Variants in TMEM132C observed in about 807,000 individuals in gnomAD.
The protein encoded by TMEM132C is transmembrane protein 132C.
TMEM132C carries 29 observed loss-of-function variants against 61.4 expected under a neutral mutation model. The observed-to-expected ratio is 0.47, with a 90% CI of 0.35 to 0.64. The LOEUF is 0.64. Ranked by LOEUF, TMEM132C falls within the 30% of genes least tolerant of loss-of-function variation. The probability of loss-of-function intolerance (pLI) is 0.00; values close to 1 mark genes in which losing one functional copy is unlikely to be tolerated. For missense variants in TMEM132C, 1,408 were observed against 1,476.9 expected (o/e 0.95, Z 0.76); for synonymous variants, 656 against 633.1 (o/e 1.04, Z -0.54).
At chr12:128,434,074 A>G (rs1457639287) in intron 2 of TMEM132C, among the ~76,000 whole-genome samples, 11 of 152,230 alleles carry the variant, frequency 7.2e-5, no homozygotes, top group Non-Finnish European at 1.2e-4. Context: ...GCTGGATGCC[A>G]CCACTCGCCT....
Position 128,477,051 on chromosome 12 carries a change from T to G in TMEM132C, c.974+61431T>G, listed in dbSNP as rs1276641081. On this transcript the variant is annotated intron_variant, in intron 2 of 8. Coordinates refer to ENST00000435159, the MANE Select transcript of TMEM132C (RefSeq NM_001136103.3). ...CTTAAGTTTAAAGTGACTTGACATA[T>G]TAGTTAGCTACTGCTGTGTAACAGA... Among the ~76,000 whole-genome samples, 5 of 152,290 alleles carry G rather than the reference T, an allele frequency of 3.3e-5. No individual in the cohort carries two copies. The South Asian group carries it at 8.3e-4, about 25-fold the overall frequency.
In TMEM132C at chr12:128,706,130, G is replaced by T. The variant is rs142899581; in HGVS notation, c.3162G>T (p.Val1054=). ...CGCCCACCTCCAAGAGGAAGAAGGT[G>T]AAATTTACCACCTTTACCACCATCC... The part of the protein sequence containing the change: ...LHSPTSKRKK[V]KFTTFTTIPP... The change falls in exon 9 of 9, where the codon GTG becomes GTT. Residue 1054 remains valine (V), a synonymous_variant. Coordinates refer to ENST00000435159, the MANE Select transcript of TMEM132C (RefSeq NM_001136103.3). The T allele has an allele frequency of 1.7e-4, 266 of 1,551,778 alleles. 1 individual carries two copies. The African/African-American group carries it at 3.2e-3, about 19-fold the overall frequency.
At chr12:128,273,793 A>G (rs1870596142) in intron 1 of TMEM132C, among the ~76,000 whole-genome samples, 1 of 152,226 alleles carries the variant, frequency 6.6e-6, no homozygotes, top group African/African-American at 2.4e-5. Flanking sequence ...TGTATGCTAT[A>G]TAAGAAATTT....
intron 1 of TMEM132C, among the ~76,000 whole-genome samples, chr12:128,327,905 A>G (rs573090498): frequency 1.0e-3 from 157 of 152,228 alleles, no homozygotes; most frequent in African/African-American, 3.4e-3. Flanking sequence ...TTTTATGCAG[A>G]TGAAGCCTCT....
intron 3 of TMEM132C, among the ~76,000 whole-genome samples, chr12:128,583,392 CAAA>C (rs11327866): frequency 3.1e-5 from 4 of 130,238 alleles, no homozygotes; most frequent in Non-Finnish European, 3.2e-5. Flanking sequence ...GAATATTGGT[CAAA>C]AAAAAAAAAA....
chr12:128,525,318 TTCTC>T (rs750943698), intron 2 of TMEM132C, among the ~76,000 whole-genome samples: 124 of 150,144 alleles, frequency 8.3e-4, no homozygotes, highest in African/African-American at 2.8e-3. Context: ...TCCTTTGCAC[TTCTC>T]TCTCTCTCTC....
At chr12:128,620,448 A>T (rs1168314369) in intron 4 of TMEM132C, among the ~76,000 whole-genome samples, 2 of 152,130 alleles carry the variant, frequency 1.3e-5, no homozygotes, top group Non-Finnish European at 2.9e-5. Context: ...CGCTGCTGTC[A>T]CACAAATCAA....
intron 2 of TMEM132C, among the ~76,000 whole-genome samples, chr12:128,477,576 T>TTTG (rs142652985): frequency 0.012 from 1,822 of 151,866 alleles, 37 homozygotes; most frequent in African/African-American, 0.041. Flanking sequence ...GTTTGTTTGT[T>TTTG]TTGTTGTTGT....
chr12:128,483,009 T>C (rs1372368708), intron 2 of TMEM132C, among the ~76,000 whole-genome samples: 4 of 151,918 alleles, frequency 2.6e-5, no homozygotes, highest in Non-Finnish European at 5.9e-5. Flanking sequence ...TTTGGGAGGC[T>C]GAGGCAGGAG....
chr12:128,500,259 G>A (rs1356544428), intron 2 of TMEM132C, among the ~76,000 whole-genome samples: 1 of 151,954 alleles, frequency 6.6e-6, no homozygotes, highest in African/African-American at 2.4e-5. Flanking sequence ...AAAACAGATG[G>A]GTGTGTAAAT....
At chr12:128,566,377 G>C (rs1295342696) in intron 3 of TMEM132C, among the ~76,000 whole-genome samples, 22 of 152,050 alleles carry the variant, frequency 1.4e-4, no homozygotes, top group Admixed American at 1.4e-3. Flanking sequence ...GTTTGGGGGA[G>C]GTTTTCCTAA....
chr12:128,368,371 C>G (rs1001851981), intron 1 of TMEM132C, among the ~76,000 whole-genome samples: 3 of 152,214 alleles, frequency 2.0e-5, no homozygotes, highest in Non-Finnish European at 4.4e-5. Flanking sequence ...ATGCTTGAAT[C>G]CAGTCTAGCT....
intron 1 of TMEM132C, among the ~76,000 whole-genome samples, chr12:128,377,343 G>T (rs546555238): frequency 6.6e-6 from 1 of 152,322 alleles, no homozygotes; most frequent in East Asian, 1.9e-4. Context: ...ATGAGCCACT[G>T]TGCCTGGCCC....
rs542901700 is a variant in TMEM132C at position 128,402,415 on chromosome 12, G to C, written c.86-12317G>C. ...TCCTTCCACCCTCCATCCTCCGTTA[G>C]GCCCCAGTGTGTGTTGTTTCCCTAG... On this transcript the variant is annotated intron_variant, in intron 1 of 8. Transcript: ENST00000435159. Among the ~76,000 whole-genome samples the C allele has an allele frequency of 9.9e-5, 15 of 152,208 alleles. No individual in the cohort carries two copies. The South Asian group carries it at 3.1e-3, about 32-fold the overall frequency.
chr12:128,438,563 A>C (rs943058223), intron 2 of TMEM132C, among the ~76,000 whole-genome samples: 2 of 152,208 alleles, frequency 1.3e-5, no homozygotes, highest in African/African-American at 4.8e-5. Flanking sequence ...GTATTGTGTT[A>C]CAGCAACACA....
intron 3 of TMEM132C, among the ~76,000 whole-genome samples, chr12:128,611,560 G>T (rs1876637333): frequency 6.6e-6 from 1 of 152,114 alleles, no homozygotes; most frequent in South Asian, 2.1e-4. Context: ...ACTGCAGTTG[G>T]AGAATCACCA....
intron 1 of TMEM132C, among the ~76,000 whole-genome samples, chr12:128,315,206 G>A (rs986753860): frequency 6.6e-6 from 1 of 152,156 alleles, no homozygotes; most frequent in East Asian, 1.9e-4. Context: ...AAAGTCCGAG[G>A]TACAAGAGAG....
intron 2 of TMEM132C, among the ~76,000 whole-genome samples, chr12:128,423,907 G>A (rs575922794): frequency 4.6e-5 from 7 of 151,800 alleles, no homozygotes; most frequent in South Asian, 2.1e-4. Flanking sequence ...TTAGCTGGGC[G>A]TGGTGGCAGG....
intron 5 of TMEM132C, among the ~76,000 whole-genome samples, chr12:128,678,833 G>T (rs545056737): frequency 6.6e-6 from 1 of 152,152 alleles, no homozygotes; most frequent in Non-Finnish European, 1.5e-5. Context: ...GAGAAGTCCC[G>T]CCCTAGGCCG....
Sources: gnomAD v4.1 joint callset for allele counts (sites outside exome capture counted in the v4.1 genomes callset) on GRCh38, gnomAD v4.1.1 for gene constraint, MANE v1.5 for transcripts, NCBI Gene and HGNC (gene_info 2026-07-23, HGNC 2026-07-21) for gene names.